SERINC5: variants seen among roughly 807,000 people sequenced by gnomAD.
SERINC5 encodes serine incorporator 5.
SERINC5 carries 41 observed loss-of-function variants against 63.1 expected under a neutral mutation model. The observed-to-expected ratio is 0.65, with a 90% CI of 0.51 to 0.84. The LOEUF is 0.84. Among genes scored for constraint, SERINC5 ranks in the 40% least tolerant of loss-of-function variants. The pLI is 0.00. For synonymous variants in SERINC5, 222 were observed against 215.2 expected (o/e 1.03, Z -0.28); for missense variants, 523 against 573.0 (o/e 0.91, Z 0.89).
At chr5:80,217,168 T>C (rs1750704368) in intron 1 of SERINC5, among the ~76,000 whole-genome samples, 1 of 148,168 alleles carries the variant, frequency 6.7e-6, no homozygotes, top group Non-Finnish European at 1.5e-5. Flanking sequence ...TTAAAAGTTT[T>C]ATTTTTAATT....
chr5:80,232,928 G>A (rs1424633376), intron 1 of SERINC5, among the ~76,000 whole-genome samples: 2 of 152,178 alleles, frequency 1.3e-5, no homozygotes, highest in Non-Finnish European at 2.9e-5. Context: ...AGCCCATAGA[G>A]ACAGCAAGTA....
chr5:80,144,501 G>A (rs1745697983), intron 11 of SERINC5, among the ~76,000 whole-genome samples: 1 of 152,118 alleles, frequency 6.6e-6, no homozygotes, highest in African/African-American at 2.4e-5. Context: ...CCACTTCCTC[G>A]ACATTTGTTA....
At chr5:80,224,292 A>T (rs4704639) in intron 1 of SERINC5, among the ~76,000 whole-genome samples, 92,538 of 151,784 alleles carry the variant, frequency 0.61, 28,612 homozygotes, top group African/African-American at 0.71. Context: ...CCCTGGGCAA[A>T]GTGGCAAAAC....
chr5:80,174,913 T>C, intron 5 of SERINC5, 41 bp downstream of exon 5: 1 of 1,452,360 alleles, frequency 6.9e-7, no homozygotes, highest in Non-Finnish European at 9.4e-7. Flanking sequence ...AACTGGGCAG[T>C]TTCTGTGAGT....
rs1751893394 is a variant in SERINC5, at chr5:80,240,356, A to G, written c.27+15540T>C. Among the ~76,000 whole-genome samples the G allele has an allele frequency of 2.0e-5, 3 of 152,242 alleles. No individual in the cohort carries two copies. The South Asian group carries it at 6.2e-4, about 32-fold the overall frequency. ...GTAATTTGAAGACTTTTTCAAATAA[A>G]ATGCCAAATTTACCATAGTAGTTAT... is the stretch of plus-strand genomic sequence containing the variant. On this transcript the variant is annotated intron_variant, in intron 1 of 11. Transcript: ENST00000507668.
intron 8 of SERINC5, among the ~76,000 whole-genome samples, chr5:80,155,451 T>C (rs1239639256): frequency 6.6e-6 from 1 of 151,992 alleles, no homozygotes; most frequent in Non-Finnish European, 1.5e-5. Context: ...CACGCGCCTA[T>C]AATCCCAGCT....
At chr5:80,155,783 C>A (rs1302463464) in intron 8 of SERINC5, among the ~76,000 whole-genome samples, 1 of 151,906 alleles carries the variant, frequency 6.6e-6, no homozygotes, top group Non-Finnish European at 1.5e-5. Context: ...CAGAGAACTC[C>A]CACAAGTGGA....
At chr5:80,223,755 T>A (rs1751029260) in intron 1 of SERINC5, among the ~76,000 whole-genome samples, 1 of 152,144 alleles carries the variant, frequency 6.6e-6, no homozygotes, top group South Asian at 2.1e-4. Flanking sequence ...TGGGTAGCTC[T>A]CACCATAGCC....
At chr5:80,182,556 TCC>T (rs1748520318) in intron 2 of SERINC5, among the ~76,000 whole-genome samples, 3 of 17,250 alleles carry the variant, frequency 1.7e-4, no homozygotes, top group Non-Finnish European at 3.5e-4. Context: ...CCCCCCCCCC[TCC>T]GCTTTTTTTT....
intron 7 of SERINC5, among the ~76,000 whole-genome samples, chr5:80,159,805 A>G (rs1746771037): frequency 6.6e-6 from 1 of 152,202 alleles, no homozygotes; most frequent in African/African-American, 2.4e-5. Flanking sequence ...TGAGAGCTGG[A>G]GGCTTACAGG....
At chr5:80,161,048 A>ATGTG (rs142394877) in intron 7 of SERINC5, among the ~76,000 whole-genome samples, 9,754 of 149,566 alleles carry the variant, frequency 0.065, 427 homozygotes, top group East Asian at 0.12. Context: ...ATATATATAT[A>ATGTG]TGTATGTATG....
intron 2 of SERINC5, among the ~76,000 whole-genome samples, chr5:80,190,800 C>G (rs1363048553): frequency 2.0e-5 from 3 of 152,192 alleles, no homozygotes; most frequent in Non-Finnish European, 2.9e-5. Flanking sequence ...ACCTGTTCCC[C>G]AGTTCTAGTG....
intron 5 of SERINC5, among the ~76,000 whole-genome samples, chr5:80,173,031 C>T (rs999255336): frequency 6.6e-6 from 1 of 152,082 alleles, no homozygotes; most frequent in Non-Finnish European, 1.5e-5. Context: ...AGGCTAACTT[C>T]CTGATATTGA....
At chr5:80,238,118 A>AG (rs1280284512) in intron 1 of SERINC5, among the ~76,000 whole-genome samples, 14 of 151,070 alleles carry the variant, frequency 9.3e-5, no homozygotes, top group African/African-American at 2.4e-4. Context: ...AAAAAAAAAA[A>AG]AAAAGAAAAG....
chr5:80,117,906 T>TA (rs147203996), intron 11 of SERINC5, among the ~76,000 whole-genome samples: 2,080 of 151,990 alleles, frequency 0.014, 59 homozygotes, highest in African/African-American at 0.047. Context: ...GTGTCTCTTA[T>TA]AAAAACACTT....
rs191370868 is a variant in SERINC5, at chr5:80,249,270, G to T, written c.27+6626C>A. On this transcript the variant is annotated intron_variant, in intron 1 of 11. Coordinates refer to ENST00000507668, the MANE Select transcript of SERINC5 (RefSeq NM_001174072.3). ...GCGGAGCTTGCAGTGAGCCGAGATCGCACCACTGCACTCCAGCCTGGGCAA... is the reference window on the plus strand; with the variant it reads ...GCGGAGCTTGCAGTGAGCCGAGATCTCACCACTGCACTCCAGCCTGGGCAA... Among the ~76,000 whole-genome samples the T allele has an allele frequency of 2.0e-5, 3 of 149,418 alleles. No individual in the cohort carries two copies. In the East Asian group the frequency reaches 6.1e-4, roughly 30 times the overall value.
At chr5:80,158,707 T>C (rs1282546999) in intron 8 of SERINC5, 129 bp downstream of exon 8, 2 of 860,232 alleles carry the variant, frequency 2.3e-6, no homozygotes, top group Non-Finnish European at 3.5e-6. Flanking sequence ...GCTCTTCGCC[T>C]TTTTACTTGT....
chr5:80,112,753 C>T (rs905600985), intron 12 of SERINC5, among the ~76,000 whole-genome samples: 7 of 151,976 alleles, frequency 4.6e-5, no homozygotes, highest in Admixed American at 3.9e-4. Flanking sequence ...TCAAGACCAG[C>T]CTGGGCAACA....
Position 80,138,810 on chromosome 5 carries a change from T to C in SERINC5, c.*4853A>G. 1.0e-6 allele frequency: 1 copy of C among 984,580 alleles called. No individual in the cohort carries two copies. Among genetic ancestry groups the C allele is most frequent in the Non-Finnish European group, 1.2e-6 (1 of 829,194 alleles). The allele number at this position is 984,580 out of a possible 1,614,324, so 61.0% of individuals were successfully genotyped here. On this transcript the variant is annotated 3_prime_UTR_variant, in exon 12 of 12. Transcript: ENST00000507668. The stretch of plus-strand genomic sequence containing the variant: ...TGAAACTTGAGAGACCTGATTAACA[T>C]CTGAAGGCAACATCTCTGCAAAACA...
Sources: gnomAD v4.1 joint callset for allele counts (sites outside exome capture counted in the v4.1 genomes callset) on GRCh38, gnomAD v4.1.1 for gene constraint, MANE v1.5 for transcripts, NCBI Gene and HGNC (gene_info 2026-07-23, HGNC 2026-07-21) for gene names.